CACNA1A: variants seen among roughly 807,000 people sequenced by gnomAD.
CACNA1A encodes the protein voltage-dependent P/Q-type calcium channel subunit alpha-1A.
CACNA1A carries 57 observed loss-of-function variants against 262.4 expected under a neutral mutation model. The ratio of observed to expected loss-of-function variants is 0.22; its 90% confidence interval spans 0.18 to 0.27. The LOEUF (loss-of-function observed/expected upper bound fraction) is 0.27. Among genes scored for constraint, CACNA1A ranks in the 10% least tolerant of loss-of-function variants. The probability of loss-of-function intolerance (pLI) is 1.00; values close to 1 mark genes in which losing one functional copy is unlikely to be tolerated. For missense variants in CACNA1A, 2,526 were observed against 3,562.8 expected (o/e 0.71, Z 7.41); for synonymous variants, 1,431 against 1,419.3 (o/e 1.01, Z -0.18).
chr19:13,340,689 A>C (rs1218274980), intron 6 of CACNA1A, among the ~76,000 whole-genome samples: 1 of 152,202 alleles, frequency 6.6e-6, no homozygotes, highest in Non-Finnish European at 1.5e-5. Flanking sequence ...GGCCTCCCAA[A>C]GTGCTGGGAT....
intron 1 of CACNA1A, among the ~76,000 whole-genome samples, chr19:13,491,789 T>C (rs1331660198): frequency 1.3e-5 from 2 of 152,112 alleles, no homozygotes; most frequent in African/African-American, 4.8e-5. Context: ...TGAGCCATGA[T>C]TGCACCACTG....
chr19:13,416,543 C>T (rs28593543), intron 3 of CACNA1A, among the ~76,000 whole-genome samples: 21,780 of 152,056 alleles, frequency 0.14, 3,177 homozygotes, highest in East Asian at 0.46. Flanking sequence ...CGGCCGGGCG[C>T]GGTGGCTCAC....
At chr19:13,404,189 T>TAC (rs374169413) in intron 3 of CACNA1A, among the ~76,000 whole-genome samples, 1,534 of 150,962 alleles carry the variant, frequency 0.01, 18 homozygotes, top group Middle Eastern at 0.065. Flanking sequence ...TATACACATA[T>TAC]ACACACACAC....
intron 35 of CACNA1A, 106 bp downstream of exon 35, chr19:13,231,604 G>A (rs2055669133): frequency 1.7e-6 from 2 of 1,187,718 alleles, no homozygotes; most frequent in East Asian, 5.1e-5. Flanking sequence ...AGAAGCCTTG[G>A]AGGGAACAAG....
At chr19:13,307,584 T>C (rs771266993) in intron 15 of CACNA1A, 198 bp downstream of exon 15, 3 of 570,976 alleles carry the variant, frequency 5.3e-6, no homozygotes, top group Non-Finnish European at 9.3e-6. Flanking sequence ...ACAAACTATC[T>C]TTCCAATGAC....
intron 31 of CACNA1A, among the ~76,000 whole-genome samples, chr19:13,240,440 C>T (rs1480195398): frequency 1.4e-5 from 2 of 147,730 alleles, no homozygotes; most frequent in Non-Finnish European, 1.5e-5. Flanking sequence ...ACAGTGTGTG[C>T]AGTGTATGTG....
rs182774801 is a variant in CACNA1A at position 13,266,454 on chromosome 19, A to C, written c.3990-3621T>G. 3.3e-5 allele frequency among the ~76,000 whole-genome samples: 5 copies of C among 152,336 alleles called. No individual in the cohort carries two copies. The East Asian group carries it at 7.7e-4, about 24-fold the overall frequency. On this transcript the variant is annotated intron_variant, in intron 24 of 46. Transcript: ENST00000360228. ...AACTGTACATCCAGGTTGCACATGGAACTGGCTAAAATCTTGATGTCCCAA... is the reference window on the plus strand; with the variant it reads ...AACTGTACATCCAGGTTGCACATGGCACTGGCTAAAATCTTGATGTCCCAA...
intron 24 of CACNA1A, chr19:13,275,610 C>T (rs1003976327): frequency 2.9e-5 from 16 of 546,286 alleles, no homozygotes; most frequent in African/African-American, 1.3e-4. Flanking sequence ...GGCTGAGGCC[C>T]GTTGCTGTGT....
intron 15 of CACNA1A, chr19:13,307,381 G>C (rs1291164986): frequency 6.0e-6 from 1 of 165,804 alleles, no homozygotes; most frequent in African/African-American, 2.4e-5. Context: ...TTACAGGCAT[G>C]TGCTACCACG....
chr19:13,338,730 G>A (rs1180682707), intron 6 of CACNA1A, among the ~76,000 whole-genome samples: 2 of 152,120 alleles, frequency 1.3e-5, no homozygotes, highest in African/African-American at 4.8e-5. Flanking sequence ...ATATGAGGGG[G>A]GCTTCTGGGG....
chr19:13,418,736 A>G (rs1483696693), intron 3 of CACNA1A, among the ~76,000 whole-genome samples: 1 of 152,120 alleles, frequency 6.6e-6, no homozygotes, highest in African/African-American at 2.4e-5. Flanking sequence ...GTGAGAGAAT[A>G]CATTTCCCTT....
At chr19:13,376,842 GAT>G (rs200437859) in intron 3 of CACNA1A, among the ~76,000 whole-genome samples, 1 of 140,208 alleles carries the variant, frequency 7.1e-6, no homozygotes, top group Non-Finnish European at 1.5e-5. Context: ...TGTTATATGT[GAT>G]ATATAACACA....
intron 3 of CACNA1A, among the ~76,000 whole-genome samples, chr19:13,389,291 G>A (rs765288606): frequency 4.6e-5 from 7 of 152,116 alleles, no homozygotes; most frequent in Non-Finnish European, 8.8e-5. Flanking sequence ...CATGGGTGCC[G>A]CTGTCACATG....
At chr19:13,347,963 C>T (rs943448767) in intron 6 of CACNA1A, among the ~76,000 whole-genome samples, 7 of 151,908 alleles carry the variant, frequency 4.6e-5, no homozygotes, top group African/African-American at 1.7e-4. Flanking sequence ...TTCTGTCACC[C>T]AGGCTGGAGT....
intron 1 of CACNA1A, among the ~76,000 whole-genome samples, chr19:13,477,500 C>T (rs1205291634): frequency 6.6e-6 from 1 of 152,104 alleles, no homozygotes; most frequent in East Asian, 1.9e-4. Context: ...ACTGTTTTGC[C>T]CATTTTATGG....
intron 37 of CACNA1A, chr19:13,225,891 C>T (rs10414391): frequency 0.42 from 63,370 of 151,654 alleles, 13,708 homozygotes; most frequent in East Asian, 0.71. Context: ...GATGGGGTCT[C>T]GCTATGTTGC....
chr19:13,380,282 CAAAAAAA>C (rs58162911), intron 3 of CACNA1A, among the ~76,000 whole-genome samples: 1 of 22,030 alleles, frequency 4.5e-5, no homozygotes, highest in Non-Finnish European at 6.9e-5. Flanking sequence ...GATGCCGTCT[CAAAAAAA>C]AAAAAAAAAA....
intron 5 of CACNA1A, chr19:13,364,272 C>G (rs2059166715): frequency 6.6e-6 from 1 of 152,290 alleles, no homozygotes; most frequent in Non-Finnish European, 1.5e-5. Context: ...ACCCAGCACT[C>G]AGGGCAGAGA....
intron 8 of CACNA1A, among the ~76,000 whole-genome samples, chr19:13,333,216 C>A (rs2058496219): frequency 6.6e-6 from 1 of 152,162 alleles, no homozygotes; most frequent in South Asian, 2.1e-4. Context: ...TTCCTCTCCT[C>A]CAGCTGTCCC....
Sources: allele counts gnomAD v4.1 joint callset (sites outside exome capture counted in the v4.1 genomes callset), GRCh38; gene constraint gnomAD v4.1.1; transcripts MANE v1.5; gene names NCBI Gene and HGNC (gene_info 2026-07-23, HGNC 2026-07-21).